NDUFAF7: variants seen among roughly 807,000 people sequenced by gnomAD.
NDUFAF7 encodes NADH:ubiquinone oxidoreductase complex assembly factor 7.
Under a neutral mutation model 47.2 loss-of-function variants are expected in NDUFAF7, and 48 were observed. That is an observed-to-expected ratio of 1.02 (90% CI 0.81 to 1.29). The LOEUF (loss-of-function observed/expected upper bound fraction) is 1.29. Ranked by LOEUF, NDUFAF7 falls within the 50% of genes most tolerant of loss-of-function variation. The pLI, the probability that NDUFAF7 is intolerant of heterozygous loss-of-function variation, is 0.00. For missense variants in NDUFAF7, 635 were observed against 537.6 expected, an observed-to-expected ratio of 1.18 and a Z score of -1.79; for synonymous variants, 217 against 190.0, an observed-to-expected ratio of 1.14 and a Z score of -1.17.
At chr2:37,250,646 C>T (rs1380526971), downstream of NDUFAF7, 1 of 152,054 alleles carries the variant, frequency 6.6e-6, no homozygotes, top group Non-Finnish European at 1.5e-5. Context: ...ATAACACAAC[C>T]AGGTCAAACT....
intron 5 of NDUFAF7, chr2:37,242,072 C>A (rs968237823): frequency 1.1e-5 from 5 of 443,634 alleles, no homozygotes; most frequent in Non-Finnish European, 2.0e-5. Context: ...AGGGTTGTAC[C>A]GATGACGGAG....
downstream of NDUFAF7, chr2:37,252,104 C>G (rs1045327737): frequency 1.3e-5 from 2 of 152,128 alleles, no homozygotes; most frequent in African/African-American, 4.8e-5. Context: ...ATGCTCCACT[C>G]CTACACATCC....
the NDUFAF7 span, chr2:37,267,877 G>C: frequency 8.9e-6 from 2 of 225,326 alleles, no homozygotes; most frequent in South Asian, 6.9e-5. Context: ...CTGTATGAAT[G>C]AATCAATTTT....
chr2:37,256,359 A>T (rs1279615852), downstream of NDUFAF7, among the ~76,000 whole-genome samples: 2 of 152,206 alleles, frequency 1.3e-5, no homozygotes, highest in Admixed American at 1.3e-4. Context: ...GGCAGTAGTG[A>T]CTAGGAAGGA....
chr2:37,268,357 CT>C, the NDUFAF7 span: 1 of 470,764 alleles, frequency 2.1e-6, no homozygotes, highest in Admixed American at 2.4e-5. Flanking sequence ...TGTAACTACT[CT>C]TAAAACTGAC....
chr2:37,247,710 C>T, intron 9 of NDUFAF7, 81 bp downstream of exon 9: 2 of 1,488,856 alleles, frequency 1.3e-6, no homozygotes, highest in Non-Finnish European at 1.9e-6. Flanking sequence ...TTCACCTGGC[C>T]TTAATGCTCT....
downstream of NDUFAF7, among the ~76,000 whole-genome samples, chr2:37,249,558 G>GAGACAC (rs1182053399): frequency 9.3e-5 from 12 of 128,502 alleles, no homozygotes; most frequent in African/African-American, 3.6e-4. Context: ...GCCTGTGATA[G>GAGACAC]ACACACACAC....
intron 7 of NDUFAF7, among the ~76,000 whole-genome samples, chr2:37,244,570 AC>A (rs1191332199): frequency 1.4e-5 from 2 of 141,364 alleles, no homozygotes; most frequent in African/African-American, 2.7e-5. Flanking sequence ...GTTTAAAGGT[AC>A]AAAAAAATCC....
Position 37,237,846 on chromosome 2 carries a change from C to A in NDUFAF7, c.387C>A (p.Thr129=), listed in dbSNP as rs556547531. ...TGGAACTGGGCCCAGGTAGGGGAACCCTCGTGGGAGATATTTTGAGGGTAG... is the reference window on the plus strand; with the variant it reads ...TGGAACTGGGCCCAGGTAGGGGAACACTCGTGGGAGATATTTTGAGGGTAG... The part of the protein sequence containing the change: ...QLVELGPGRG[T]LVGDILRVFT... The change falls in exon 4 of 10, where the codon ACC becomes ACA. Residue 129 remains threonine, a synonymous_variant. Transcript: ENST00000002125. 11 of 1,610,746 alleles carry A rather than the reference C, an allele frequency of 6.8e-6. No individual in the cohort carries two copies. The East Asian group carries it at 8.9e-5, about 13-fold the overall frequency.
At chr2:37,269,411 CT>C in the NDUFAF7 span, 1 of 561,698 alleles carries the variant, frequency 1.8e-6, no homozygotes, top group Non-Finnish European at 3.2e-6. Flanking sequence ...TTTTCTGATT[CT>C]GTTAATTTTT....
chr2:37,233,226 G>A (rs1235979213), intron 2 of NDUFAF7, among the ~76,000 whole-genome samples: 1 of 152,092 alleles, frequency 6.6e-6, no homozygotes, highest in Admixed American at 6.5e-5. Context: ...ACAGGACCAG[G>A]TTTGGAGGAG....
At chr2:37,267,373 T>C in the NDUFAF7 span, 1 of 1,205,984 alleles carries the variant, frequency 8.3e-7, no homozygotes, top group Non-Finnish European at 1.2e-6. Flanking sequence ...GAGAAGCAGT[T>C]AATTCAGATT....
chr2:37,237,764 G>C lies in NDUFAF7; in HGVS notation c.305G>C (p.Gly102Ala), dbSNP rs1400573908. The change falls in exon 4 of 10, where the codon GGT becomes GCT. Residue 102 changes from glycine to alanine, a missense_variant. By Grantham distance (60) the Gly-to-Ala change is moderately conservative. Coordinates refer to ENST00000002125, the MANE Select transcript of NDUFAF7 (RefSeq NM_144736.5). ...EISQIFGELLGIWFISEWMAT... is the reference protein window; with the variant it reads ...EISQIFGELLAIWFISEWMAT... Reference sequence around the variant, plus strand: ...TTTTTTCCCTTTTCACAGCTACTAGGTATATGGTTCATTAGTGAATGGATG... The same window carrying C: ...TTTTTTCCCTTTTCACAGCTACTAGCTATATGGTTCATTAGTGAATGGATG... 6.2e-7 allele frequency: 1 copy of C among 1,601,572 alleles called. No individual in the cohort carries two copies. The highest frequency in any genetic ancestry group is 1.3e-5 in the African/African-American group (1 of 74,636).
chr2:37,261,746 C>T, the NDUFAF7 span, among the ~76,000 whole-genome samples: 2 of 152,222 alleles, frequency 1.3e-5, no homozygotes, highest in Non-Finnish European at 2.9e-5. Flanking sequence ...CGCCATTGCA[C>T]TCTAGCCTGG....
At chr2:37,257,159 T>C (rs1220989567), downstream of NDUFAF7, among the ~76,000 whole-genome samples, 1 of 152,174 alleles carries the variant, frequency 6.6e-6, no homozygotes, top group Non-Finnish European at 1.5e-5. Flanking sequence ...TAGTACATAT[T>C]TCAAAAGTTC....
chr2:37,269,936 C>T, the NDUFAF7 span, among the ~76,000 whole-genome samples: 2 of 152,118 alleles, frequency 1.3e-5, no homozygotes, highest in Non-Finnish European at 2.9e-5. Context: ...TTTTAAAAAT[C>T]TTGTATTTAG....
In NDUFAF7 at chr2:37,232,065, C is replaced by T. The variant is rs17020344; in HGVS notation, c.56-41C>T. ...CAGGCGGCTTGCGCTCGTGAATGGT[C>T]AGATTTATCATGGGGTCTGTTTAAT... On this transcript the variant is annotated intron_variant, in intron 1 of 9. Transcript: ENST00000002125. 145,142 of 1,613,866 alleles carry T rather than the reference C, an allele frequency of 0.09. 10,788 individuals carry two copies. Among genetic ancestry groups the T allele is most frequent in the East Asian group, 0.36 (16,022 of 44,866 alleles).
At chr2:37,237,611 T>C (rs1018683952) in intron 3 of NDUFAF7, 146 bp from the exon 4 acceptor site, 1 of 650,840 alleles carries the variant, frequency 1.5e-6, no homozygotes, top group Non-Finnish European at 2.7e-6. Context: ...TATGTGAACA[T>C]GTACGTATGT....
intron 4 of NDUFAF7, 112 bp from the exon 5 acceptor site, chr2:37,241,466 C>T (rs1455941493): frequency 5.1e-5 from 46 of 908,560 alleles, no homozygotes; most frequent in Non-Finnish European, 4.0e-5. Context: ...AGGAACACAT[C>T]TCTCTGAAAT....
Sources: gnomAD v4.1 joint callset for allele counts (sites outside exome capture counted in the v4.1 genomes callset) on GRCh38, gnomAD v4.1.1 for gene constraint, MANE v1.5 for transcripts, NCBI Gene and HGNC (gene_info 2026-07-23, HGNC 2026-07-21) for gene names.